Variants in SQLE observed in about 807,000 individuals in gnomAD.
SQLE encodes the protein squalene monooxygenase.
Under a neutral mutation model 60.7 loss-of-function variants are expected in SQLE, and 29 were observed. The observed-to-expected ratio is 0.48, with a 90% CI of 0.36 to 0.65. The LOEUF (loss-of-function observed/expected upper bound fraction) is 0.65. SQLE is among the 30% of genes least tolerant of loss of function. The probability of loss-of-function intolerance (pLI) is 0.00; values close to 1 mark genes in which losing one functional copy is unlikely to be tolerated. For missense variants in SQLE, 605 were observed against 684.1 expected (o/e 0.88, Z 1.29); for synonymous variants, 237 against 246.8 (o/e 0.96, Z 0.37).
Position 125,021,748 on chromosome 8 carries a change from T to C in SQLE, c.1533-5T>C. On this transcript the variant is annotated splice_polypyrimidine_tract_variant and splice_region_variant and intron_variant, in intron 10 of 10. Coordinates refer to ENST00000265896, the MANE Select transcript of SQLE (RefSeq NM_003129.4). ...CTTACCAATATGTATTTTTTTCTAT[T>C]ACAGATTGTCTCCTAACCCTCTAGT... The C allele has an allele frequency of 6.3e-7, 1 of 1,583,342 alleles. No individual in the cohort carries two copies. The highest frequency in any genetic ancestry group is 2.3e-5 in the East Asian group (1 of 44,364).
At chr8:125,019,871 A>C (rs1195406335) in intron 9 of SQLE, among the ~76,000 whole-genome samples, 2 of 152,056 alleles carry the variant, frequency 1.3e-5, no homozygotes, top group Non-Finnish European at 2.9e-5. Context: ...AAAAAAACAA[A>C]ACAAAAACCC....
At position 125,020,978 on chromosome 8, in the gene SQLE, T is replaced by G. The variant is rs570536590; in HGVS notation, c.1532+107T>G. On this transcript the variant is annotated intron_variant, in intron 10 of 10. Coordinates refer to ENST00000265896, the MANE Select transcript of SQLE (RefSeq NM_003129.4). ...TTCCTTACACATTTTGATATTTTAT[T>G]ATCTGTTAGTATCCCAATGAGAAGG... 1.2e-5 allele frequency: 9 copies of G among 738,406 alleles called. No individual in the cohort carries two copies. The African/African-American group carries it at 1.6e-4, about 13-fold the overall frequency. 45.7% of individuals were successfully genotyped at this position (738,406 alleles called of 1,614,324 possible). A position where few individuals can be genotyped will look rare whatever the true frequency, so the allele number is the denominator to read the frequency against.
chr8:125,005,421 G>T, intron 2 of SQLE, 104 bp from the exon 3 acceptor site: 2 of 1,041,502 alleles, frequency 1.9e-6, no homozygotes, highest in South Asian at 2.6e-5. Context: ...CTCCAGATTT[G>T]AAGGCAGAGA....
In SQLE at chr8:124,999,038, A is replaced by G. The variant is rs990339899; in HGVS notation, c.-366A>G. 14 of 275,044 alleles carry G rather than the reference A, an allele frequency of 5.1e-5. No homozygotes were observed. The Middle Eastern group carries it at 2.9e-3, about 57-fold the overall frequency. The allele number at this position is 275,044 out of a possible 1,614,324, so 17.0% of individuals were successfully genotyped here. A position where few individuals can be genotyped will look rare whatever the true frequency, so the allele number is the denominator to read the frequency against. On this transcript the variant is annotated 5_prime_UTR_variant, in exon 1 of 11. Coordinates refer to ENST00000265896, the MANE Select transcript of SQLE (RefSeq NM_003129.4). ...TGAGAAAAGAAATTATAGCACGAAG[A>G]GCCAGTATCAGAAGAGTATCCATCA...
chr8:124,998,877 G>C lies in SQLE; in HGVS notation c.-527G>C. The C allele has an allele frequency of 2.6e-6, 1 of 388,308 alleles. No individual in the cohort carries two copies. The highest frequency in any genetic ancestry group is 2.1e-5 in the African/African-American group (1 of 48,186). The allele number at this position is 388,308 out of a possible 1,614,324, so 24.1% of individuals were successfully genotyped here. Reference sequence around the variant, plus strand: ...CGGAAAAAGAAGCCTCTGAACCCGCGCCGGCCCGCAGCCCCCGTGCCTTCC... The same window carrying C: ...CGGAAAAAGAAGCCTCTGAACCCGCCCCGGCCCGCAGCCCCCGTGCCTTCC... On this transcript the variant is annotated 5_prime_UTR_variant, in exon 1 of 11. Coordinates refer to ENST00000265896, the MANE Select transcript of SQLE (RefSeq NM_003129.4).
rs1442528485 is a variant in SQLE, at chr8:124,998,997, G to C, written c.-407G>C. 1 of 285,002 alleles carries C rather than the reference G, an allele frequency of 3.5e-6. No homozygotes were observed. Among genetic ancestry groups the C allele is most frequent in the African/African-American group, 2.2e-5 (1 of 46,218 alleles). The allele number at this position is 285,002 out of a possible 1,614,324, so 17.7% of individuals were successfully genotyped here. A position where few individuals can be genotyped will look rare whatever the true frequency, so the allele number is the denominator to read the frequency against. On this transcript the variant is annotated 5_prime_UTR_variant, in exon 1 of 11. Transcript: ENST00000265896. ...CCTCCACTCCCATTCCCTTCTGAAA[G>C]GGCACCTGCTCTTGGTGAGAAAAGA...
At chr8:125,013,069 G>A (rs949362579) in intron 7 of SQLE, among the ~76,000 whole-genome samples, 1 of 152,040 alleles carries the variant, frequency 6.6e-6, no homozygotes, top group African/African-American at 2.4e-5. Flanking sequence ...TGTATATTTA[G>A]ACTTTGCATA....
rs1815218335 is a variant in SQLE, at chr8:125,022,038, C to T, written c.*93C>T. The stretch of plus-strand genomic sequence containing the variant: ...GGATATATATAGCATAGTACCATAC[C>T]ACTTATAAAGTGGAAACTCTTGGAC... On this transcript the variant is annotated 3_prime_UTR_variant, in exon 11 of 11. Coordinates refer to ENST00000265896, the MANE Select transcript of SQLE (RefSeq NM_003129.4). 1.1e-6 allele frequency: 1 copy of T among 877,628 alleles called. No homozygotes were observed. The highest frequency in any genetic ancestry group is 3.2e-5 in the East Asian group (1 of 31,330). 54.4% of individuals were successfully genotyped at this position (877,628 alleles called of 1,614,324 possible).
chr8:125,003,324 G>C lies in SQLE; in HGVS notation c.440G>C (p.Arg147Thr), dbSNP rs368938983. The C allele has an allele frequency of 5.5e-5, 88 of 1,613,920 alleles. No homozygotes were observed. The highest frequency in any genetic ancestry group is 6.7e-5 in the Non-Finnish European group (79 of 1,179,908). ...GCAGCTGTGCTTTCCAGAGATGGAA[G>C]AAAGGTGACAGTCATTGAGAGAGAC... ...ALAAVLSRDG[R>T]KVTVIERDLK... The change falls in exon 2 of 11, where the codon AGA becomes ACA. Residue 147 changes from arginine (R) to threonine (T), a missense_variant. Coordinates refer to ENST00000265896, the MANE Select transcript of SQLE (RefSeq NM_003129.4).
chr8:125,011,433 C>A, intron 6 of SQLE, 104 bp from the exon 7 acceptor site: 2 of 807,844 alleles, frequency 2.5e-6, no homozygotes, highest in Non-Finnish European at 3.9e-6. Context: ...ACAACCATAA[C>A]AGATGTATAG....
chr8:125,022,190 A>G lies in SQLE; in HGVS notation c.*245A>G, dbSNP rs1214775407. On this transcript the variant is annotated 3_prime_UTR_variant, in exon 11 of 11. Coordinates refer to ENST00000265896, the MANE Select transcript of SQLE (RefSeq NM_003129.4). ...TTTAAAAGAAATGATTGTTACCATA[A>G]ATTAGTGCTAATGCTGAGGAGAACT... 1 of 271,384 alleles carries G rather than the reference A, an allele frequency of 3.7e-6. No homozygotes were observed. The highest frequency in any genetic ancestry group is 6.8e-6 in the Non-Finnish European group (1 of 146,032). The allele number at this position is 271,384 out of a possible 1,614,324, so 16.8% of individuals were successfully genotyped here.
chr8:125,011,664 A>G (rs1472636240), intron 7 of SQLE, 32 bp downstream of exon 7: 2 of 1,499,248 alleles, frequency 1.3e-6, no homozygotes, highest in Non-Finnish European at 1.8e-6. Context: ...TTATAAAGGA[A>G]TCAGTATTCC....
At chr8:125,003,832 A>G (rs991020223) in intron 2 of SQLE, among the ~76,000 whole-genome samples, 5 of 131,952 alleles carry the variant, frequency 3.8e-5, no homozygotes, top group African/African-American at 1.4e-4. Flanking sequence ...CTTTTTAAGC[A>G]CTGGCTATTC....
chr8:125,015,808 TTTTG>T (rs1815102037), intron 7 of SQLE, among the ~76,000 whole-genome samples: 1 of 152,220 alleles, frequency 6.6e-6, no homozygotes, highest in Non-Finnish European at 1.5e-5. Context: ...GTCCCTCGGC[TTTTG>T]TTTGTCTGGG....
intron 9 of SQLE, among the ~76,000 whole-genome samples, chr8:125,020,293 A>G (rs1036494231): frequency 7.2e-5 from 11 of 152,344 alleles, no homozygotes; most frequent in African/African-American, 2.6e-4. Flanking sequence ...AATTGATTAC[A>G]CTACATTGTG....
Position 124,999,655 on chromosome 8 carries a change from C to T in SQLE, c.252C>T (p.Pro84=). The change falls in exon 1 of 11, where the codon CCC becomes CCT. Residue 84 remains proline, a synonymous_variant. Coordinates refer to ENST00000265896, the MANE Select transcript of SQLE (RefSeq NM_003129.4). The stretch of plus-strand genomic sequence containing the variant: ...TTGGCTTCTTCTGGGCCAAATCCCC[C>T]CCTGAATCAGAAAATAAGGAGCAGC... The part of the protein sequence containing the change: ...PFIGFFWAKS[P]PESENKEQLE... 4 of 1,608,124 alleles carry T rather than the reference C, an allele frequency of 2.5e-6. No individual in the cohort carries two copies. Among genetic ancestry groups the T allele is most frequent in the South Asian group, 1.1e-5 (1 of 90,366 alleles).
At chr8:125,010,977 C>G (rs1815031579) in intron 6 of SQLE, 1 of 152,054 alleles carries the variant, frequency 6.6e-6, no homozygotes, top group Non-Finnish European at 1.5e-5. Context: ...AGTTCATTTT[C>G]TATATAAGTA....
At chr8:125,011,169 A>G (rs565164144) in intron 6 of SQLE, 9 of 156,790 alleles carry the variant, frequency 5.7e-5, no homozygotes, top group Middle Eastern at 3.2e-3. Flanking sequence ...TATTACAAGA[A>G]TATATTGATT....
chr8:125,000,621 T>G (rs1160549337), intron 1 of SQLE, among the ~76,000 whole-genome samples: 1 of 151,968 alleles, frequency 6.6e-6, no homozygotes, highest in African/African-American at 2.4e-5. Flanking sequence ...CTAATTTTTT[T>G]TTTTTGTATT....
Sources: gnomAD v4.1 joint callset for allele counts (sites outside exome capture counted in the v4.1 genomes callset) on GRCh38, gnomAD v4.1.1 for gene constraint, MANE v1.5 for transcripts, NCBI Gene and HGNC (gene_info 2026-07-23, HGNC 2026-07-21) for gene names.